NLRP3: variants seen among roughly 807,000 people sequenced by gnomAD.
NLRP3 encodes NLR family pyrin domain containing 3.
In NLRP3, 48 loss-of-function variants were observed where a neutral mutation model predicts 91.3. The observed-to-expected ratio is 0.53, with a 90% CI of 0.42 to 0.67. The LOEUF (loss-of-function observed/expected upper bound fraction) is 0.67, where lower values mean the gene tolerates loss of function less well. Ranked by LOEUF, NLRP3 falls within the 30% of genes least tolerant of loss-of-function variation. The pLI is 0.00. For synonymous variants in NLRP3, 561 were observed against 507.9 expected, an observed-to-expected ratio of 1.10 and a Z score of -1.41; for missense variants, 982 against 1,276.9, an observed-to-expected ratio of 0.77 and a Z score of 3.52.
rs746655522 is a variant in NLRP3, at chr1:247,425,397, A to G, written c.1948A>G (p.Lys650Glu). Reference protein sequence around the residue: ...FVQRAMDYFPKIEINLSTRMD... With the variant: ...FVQRAMDYFPEIEINLSTRMD... Reference sequence around the variant, plus strand: ...GCAAAGGGCCATGGACTATTTCCCCAAGATTGAGATCAATCTCTCCACCAG... The same window carrying G: ...GCAAAGGGCCATGGACTATTTCCCCGAGATTGAGATCAATCTCTCCACCAG... The change falls in exon 4 of 10, where the codon AAG becomes GAG. Residue 650 changes from lysine (K) to glutamate (E), a missense_variant. Lys to Glu is a moderately conservative substitution (Grantham distance 56). This residue lies in a region of NLRP3 where 373 missense variants were observed against 431.5 expected (regional missense o/e 0.86). Transcript: ENST00000336119. The surrounding 1 kb of genome is among the most constrained non-coding windows in gnomAD (Gnocchi z 4.1). 6.2e-7 allele frequency: 1 copy of G among 1,614,202 alleles called. No individual in the cohort carries two copies. Among genetic ancestry groups the G allele is most frequent in the Non-Finnish European group, 8.5e-7 (1 of 1,180,038 alleles).
intron 6 of NLRP3, among the ~76,000 whole-genome samples, chr1:247,435,098 A>G (rs1423025134): frequency 2.6e-5 from 4 of 152,146 alleles, no homozygotes; most frequent in African/African-American, 9.7e-5. Flanking sequence ...CTAAAAATAC[A>G]AAAATTAGCC....
At chr1:247,429,263 C>A (rs1210632846) in intron 4 of NLRP3, among the ~76,000 whole-genome samples, 1 of 152,046 alleles carries the variant, frequency 6.6e-6, no homozygotes, top group Non-Finnish European at 1.5e-5. Context: ...CCTCTGATCA[C>A]CCAGCACAGA....
At chr1:247,433,711 G>A (rs12089277) in intron 5 of NLRP3, among the ~76,000 whole-genome samples, 11,429 of 37,312 alleles carry the variant, frequency 0.31, 948 homozygotes, top group East Asian at 0.36. Flanking sequence ...TCTCTATTCC[G>A]GAGCTCTCTG....
intron 6 of NLRP3, among the ~76,000 whole-genome samples, chr1:247,434,853 G>T (rs1180183401): frequency 6.6e-6 from 1 of 152,206 alleles, no homozygotes; most frequent in Non-Finnish European, 1.5e-5. Context: ...GAATGTAAAT[G>T]ATGCAGCCAC....
chr1:247,419,164 A>ATTT (rs796602770), intron 2 of NLRP3, 87 bp downstream of exon 2: 924 of 691,848 alleles, frequency 1.3e-3, no homozygotes, highest in South Asian at 3.1e-3. Context: ...ATATATATAT[A>ATTT]TTTTTTTTTG....
At chr1:247,441,188 T>TCCC (rs1442847771) in intron 7 of NLRP3, among the ~76,000 whole-genome samples, 25 of 66,566 alleles carry the variant, frequency 3.8e-4, no homozygotes, top group Non-Finnish European at 3.3e-4. Context: ...TCCCTTCCCT[T>TCCC]CCCCTCCCCC....
At chr1:247,440,249 T>C (rs538501338) in intron 7 of NLRP3, among the ~76,000 whole-genome samples, 1 of 152,326 alleles carries the variant, frequency 6.6e-6, no homozygotes, top group East Asian at 1.9e-4. Context: ...ATTTGCAACA[T>C]TGGTTTAATT....
rs73136261 is a variant in NLRP3 at position 247,416,421 on chromosome 1, G to A, written c.-749+228G>A. On this transcript the variant is annotated intron_variant, in intron 1 of 9. Coordinates refer to ENST00000336119, the MANE Select transcript of NLRP3 (RefSeq NM_001243133.2). Reference sequence around the variant, plus strand: ...GGCGGGGGGAAGCGGGGAGGACAGCGGCAGCAACCATAGTTTACACCCACG... The same window carrying A: ...GGCGGGGGGAAGCGGGGAGGACAGCAGCAGCAACCATAGTTTACACCCACG... Among the ~76,000 whole-genome samples, 1,386 of 152,280 alleles carry A rather than the reference G, an allele frequency of 9.1e-3. 17 individuals are homozygous for A. Among genetic ancestry groups the A allele is most frequent in the African/African-American group, 0.031 (1,296 of 41,548 alleles).
At chr1:247,419,641 C>G (rs891219250) in intron 2 of NLRP3, among the ~76,000 whole-genome samples, 8 of 152,206 alleles carry the variant, frequency 5.3e-5, no homozygotes, top group African/African-American at 1.9e-4. Flanking sequence ...TCTTACTACT[C>G]TGGGTACCTC....
intron 7 of NLRP3, among the ~76,000 whole-genome samples, chr1:247,440,908 T>G (rs933014723): frequency 6.6e-6 from 1 of 152,220 alleles, no homozygotes; most frequent in Non-Finnish European, 1.5e-5. Flanking sequence ...CTACTTATTT[T>G]TTAATTACTG....
rs1558190430 is a variant in NLRP3 at position 247,424,242 on chromosome 1, G to C, written c.793G>C (p.Val265Leu). The C allele has an allele frequency of 1.9e-6, 3 of 1,614,128 alleles. No individual in the cohort carries two copies. The highest frequency in any genetic ancestry group is 1.7e-6 in the Non-Finnish European group (2 of 1,180,030). ...TATCCACTGTCGAGAGGTGAGCCTT[G>C]TGACACAGAGGAGCCTGGGGGACCT... The part of the protein sequence containing the change: ...FYIHCREVSL[V>L]TQRSLGDLIM... The change falls in exon 4 of 10, where the codon GTG becomes CTG. Residue 265 changes from valine (V) to leucine (L), a missense_variant. Coordinates refer to ENST00000336119, the MANE Select transcript of NLRP3 (RefSeq NM_001243133.2). This position sits in a 1 kb window ranked among gnomAD's most constrained non-coding sequence, Gnocchi z 8.1.
chr1:247,435,064 C>T (rs914249609), intron 6 of NLRP3, among the ~76,000 whole-genome samples: 1 of 152,020 alleles, frequency 6.6e-6, no homozygotes, highest in Non-Finnish European at 1.5e-5. Context: ...CTAGCCTGGC[C>T]ATCATAGTAA....
rs200402831 is a variant in NLRP3, at chr1:247,418,740, A to G, written c.-61A>G. ...AAAGACTCATCCGTGTGCCGTGTTC[A>G]CTGCCTGGTATCTTAGTGTGGACCG... On this transcript the variant is annotated 5_prime_UTR_variant, in exon 2 of 10. Transcript: ENST00000336119. 3 of 1,604,782 alleles carry G rather than the reference A, an allele frequency of 1.9e-6. No individual in the cohort carries two copies. Among genetic ancestry groups the G allele is most frequent in the South Asian group, 1.1e-5 (1 of 90,712 alleles).
intron 2 of NLRP3, among the ~76,000 whole-genome samples, chr1:247,420,131 C>T (rs553649717): frequency 6.6e-6 from 1 of 152,212 alleles, no homozygotes; most frequent in African/African-American, 2.4e-5. Context: ...GGTGGTATCT[C>T]ACTGTAGTTT....
At chr1:247,420,504 A>G (rs1421828421) in intron 2 of NLRP3, among the ~76,000 whole-genome samples, 2 of 151,940 alleles carry the variant, frequency 1.3e-5, no homozygotes, top group African/African-American at 4.8e-5. Flanking sequence ...ACCTGAGGTC[A>G]GGAGTTCAAC....
chr1:247,425,778 G>A lies in NLRP3; in HGVS notation c.2150+179G>A. The A allele has an allele frequency of 4.7e-6, 3 of 632,382 alleles. No homozygotes were observed. The South Asian group carries it at 5.6e-5, about 12-fold the overall frequency. The allele number at this position is 632,382 out of a possible 1,614,324, so 39.2% of individuals were successfully genotyped here. On this transcript the variant is annotated intron_variant, in intron 4 of 9. Coordinates refer to ENST00000336119, the MANE Select transcript of NLRP3 (RefSeq NM_001243133.2). This position sits in a 1 kb window ranked among gnomAD's most constrained non-coding sequence, Gnocchi z 4.1. ...AGCAAAGATTGATGTATGGTAGGTG[G>A]ATAAATGGGATGAGGAAAAAAAAAA...
chr1:247,446,615 T>C (rs1664602418), intron 9 of NLRP3, among the ~76,000 whole-genome samples: 2 of 152,218 alleles, frequency 1.3e-5, no homozygotes, highest in Admixed American at 1.3e-4. Flanking sequence ...TGTACCTTCC[T>C]AAATTCTCTG....
At position 247,418,818 on chromosome 1, in the gene NLRP3, C is replaced by T. The variant is rs1304980958; in HGVS notation, c.18C>T (p.Cys6=). The T allele has an allele frequency of 6.2e-6, 10 of 1,613,866 alleles. No individual in the cohort carries two copies. The highest frequency in any genetic ancestry group is 1.3e-5 in the African/African-American group (1 of 74,898). ...AGATGAAGATGGCAAGCACCCGCTG[C>T]AAGCTGGCCAGGTACCTGGAGGACC... MASTR[C]KLARYLEDLE... The change falls in exon 2 of 10, where the codon TGC becomes TGT. Residue 6 remains cysteine, a synonymous_variant. Coordinates refer to ENST00000336119, the MANE Select transcript of NLRP3 (RefSeq NM_001243133.2).
At chr1:247,423,020 G>A (rs1662576811) in intron 2 of NLRP3, among the ~76,000 whole-genome samples, 1 of 152,182 alleles carries the variant, frequency 6.6e-6, no homozygotes, top group Non-Finnish European at 1.5e-5. Context: ...TGCTTGGCAG[G>A]TGGACAGCAG....
Sources: gnomAD v4.1 joint callset for allele counts (sites outside exome capture counted in the v4.1 genomes callset) on GRCh38, gnomAD v4.1.1 for gene constraint, gnomAD v4.1.1 regional missense constraint, Gnocchi (gnomAD v3.1) non-coding constraint, MANE v1.5 for transcripts, NCBI Gene and HGNC (gene_info 2026-07-23, HGNC 2026-07-21) for gene names.